The following LRFN5 variants were observed in gnomAD, a reference collection of about 807,000 sequenced individuals.
LRFN5 encodes the protein leucine-rich repeat and fibronectin type-III domain-containing protein 5.
A neutral mutation model predicts 45.6 loss-of-function variants in LRFN5; 24 were observed. The observed-to-expected ratio is 0.53, with a 90% confidence interval of 0.38 to 0.74. LRFN5 has a LOEUF of 0.74. LRFN5 is among the 30% of genes least tolerant of loss of function. The pLI is 0.00. For missense variants in LRFN5, 776 were observed against 861.5 expected (o/e 0.90, Z 1.24); for synonymous variants, 340 against 313.8 (o/e 1.08, Z -0.88).
At chr14:41,803,722 G>A (rs898482755) in intron 2 of LRFN5, among the ~76,000 whole-genome samples, 1 of 152,114 alleles carries the variant, frequency 6.6e-6, no homozygotes, top group Non-Finnish European at 1.5e-5. Flanking sequence ...CTAGAACATA[G>A]TGAGTTCTCA....
intron 1 of LRFN5, among the ~76,000 whole-genome samples, chr14:41,618,490 G>A (rs553947654): frequency 6.5e-4 from 99 of 152,282 alleles, no homozygotes; most frequent in African/African-American, 2.3e-3. Context: ...CTGGCTAACA[G>A]CCAGCTCCAA....
At chr14:41,682,662 A>G (rs1209057168) in intron 1 of LRFN5, among the ~76,000 whole-genome samples, 2 of 152,226 alleles carry the variant, frequency 1.3e-5, no homozygotes, top group Non-Finnish European at 2.9e-5. Context: ...GAGGATTATT[A>G]GAGCAACTAT....
chr14:41,744,613 C>G (rs1584317), intron 1 of LRFN5, among the ~76,000 whole-genome samples: 89,780 of 151,894 alleles, frequency 0.59, 27,279 homozygotes, highest in East Asian at 0.94. Flanking sequence ...CACACACACG[C>G]ACACCATAAT....
At chr14:41,753,406 T>C (rs1254970039) in intron 1 of LRFN5, among the ~76,000 whole-genome samples, 1 of 152,184 alleles carries the variant, frequency 6.6e-6, no homozygotes, top group African/African-American at 2.4e-5. Flanking sequence ...GAGCATGGAA[T>C]GTTCTTCCAT....
chr14:41,797,642 AT>A (rs1464382279), intron 2 of LRFN5, among the ~76,000 whole-genome samples: 2 of 151,588 alleles, frequency 1.3e-5, no homozygotes, highest in African/African-American at 2.4e-5. Flanking sequence ...CATTTAAATT[AT>A]ATTATATAAA....
At position 41,668,812 on chromosome 14, in the gene LRFN5, T is replaced by C. The variant is rs369129625; in HGVS notation, c.-197+60250T>C. The stretch of plus-strand genomic sequence containing the variant: ...TGTAATAATTGGATATCCTGAAGAA[T>C]AATGAAGCCAAGAACCCCATGAGCT... On this transcript the variant is annotated intron_variant, in intron 1 of 5. Transcript: ENST00000298119. Among the ~76,000 whole-genome samples, 27 of 152,288 alleles carry C rather than the reference T, an allele frequency of 1.8e-4. No individual in the cohort carries two copies. In the South Asian group the frequency reaches 4.1e-3, roughly 23 times the overall value.
At chr14:41,684,670 G>T (rs1882045496) in intron 1 of LRFN5, among the ~76,000 whole-genome samples, 1 of 151,998 alleles carries the variant, frequency 6.6e-6, no homozygotes, top group Admixed American at 6.6e-5. Flanking sequence ...AATAAAAATG[G>T]GTTAAAAACT....
At chr14:41,650,892 A>AGAGAGAGG (rs1250338580) in intron 1 of LRFN5, among the ~76,000 whole-genome samples, 25 of 92,938 alleles carry the variant, frequency 2.7e-4, no homozygotes, top group Admixed American at 2.6e-4. Flanking sequence ...AGAAAGAGAG[A>AGAGAGAGG]GAGAGAGGGA....
intron 1 of LRFN5, among the ~76,000 whole-genome samples, chr14:41,649,829 T>C (rs1880009000): frequency 1.3e-5 from 2 of 152,194 alleles, no homozygotes; most frequent in South Asian, 4.1e-4. Flanking sequence ...TTGACCCTGC[T>C]GTATTTGGAG....
chr14:41,680,747 G>A (rs943370374), intron 1 of LRFN5, among the ~76,000 whole-genome samples: 3 of 151,968 alleles, frequency 2.0e-5, no homozygotes, highest in Admixed American at 6.6e-5. Context: ...CCTGGAAAAC[G>A]TGACCTCACC....
rs1228938531 is a variant in LRFN5, at chr14:41,809,357, G to A, written c.-21+42328G>A. Among the ~76,000 whole-genome samples the A allele has an allele frequency of 5.9e-5, 9 of 151,910 alleles. 1 individual carries two copies. Among genetic ancestry groups the A allele is most frequent in the Non-Finnish European group, 1.2e-4 (8 of 67,924 alleles). On this transcript the variant is annotated intron_variant, in intron 2 of 5. Transcript: ENST00000298119. ...GATTATTTGTATTATATCTAAAATA[G>A]TAGTCAGGCACCTTACTAAACTCTT...
intron 5 of LRFN5, among the ~76,000 whole-genome samples, chr14:41,899,572 T>C (rs900542724): frequency 4.6e-5 from 7 of 152,084 alleles, no homozygotes; most frequent in African/African-American, 1.4e-4. Flanking sequence ...TCAGAGAGTG[T>C]GTTTCCAGAG....
intron 1 of LRFN5, among the ~76,000 whole-genome samples, chr14:41,764,613 AT>A (rs1363304121): frequency 6.6e-6 from 1 of 152,048 alleles, no homozygotes; most frequent in Non-Finnish European, 1.5e-5. Context: ...AGGCCTTTAT[AT>A]TTTGCTACCA....
rs1413792689 is a variant in LRFN5, at chr14:41,608,105, C to G, written c.-654C>G. 1.3e-5 allele frequency: 2 copies of G among 152,414 alleles called. No homozygotes were observed. The highest frequency in any genetic ancestry group is 3.4e-3 in the Middle Eastern group (1 of 294). The allele number at this position is 152,414 out of a possible 1,614,324, so 9.4% of individuals were successfully genotyped here. ...GATTAAAGGGCTATGCGAGAACGCT[C>G]TCTTTGCTGCCCGCGGTCCGGTGGG... On this transcript the variant is annotated 5_prime_UTR_variant, in exon 1 of 6. Transcript: ENST00000298119.
At chr14:41,864,565 AGT>A (rs1318863864) in intron 2 of LRFN5, among the ~76,000 whole-genome samples, 1 of 152,186 alleles carries the variant, frequency 6.6e-6, no homozygotes. Flanking sequence ...ACCCTACTCC[AGT>A]GTGACTTTAT....
intron 1 of LRFN5, among the ~76,000 whole-genome samples, chr14:41,750,268 TATATATATATA>T (rs1162915115): frequency 3.3e-4 from 1 of 3,066 alleles, no homozygotes; most frequent in Non-Finnish European, 5.6e-4. Flanking sequence ...TAACTTTTCT[TATATATATATA>T]TATATATATA....
chr14:41,629,586 C>A (rs367634508), intron 1 of LRFN5, among the ~76,000 whole-genome samples: 1 of 152,166 alleles, frequency 6.6e-6, no homozygotes, highest in East Asian at 1.9e-4. Context: ...TTGTAGTTCT[C>A]TAAACGCAGT....
intron 2 of LRFN5, among the ~76,000 whole-genome samples, chr14:41,785,716 G>A (rs1005747265): frequency 1.3e-5 from 2 of 150,508 alleles, no homozygotes; most frequent in South Asian, 2.1e-4. Flanking sequence ...TGGGAGGCCC[G>A]AGGCTGTTTT....
At chr14:41,865,905 G>T (rs4375578) in intron 2 of LRFN5, among the ~76,000 whole-genome samples, 112,667 of 151,980 alleles carry the variant, frequency 0.74, 42,305 homozygotes, top group East Asian at 0.97. Context: ...ATAATCTGTT[G>T]GTCTTCCTAT....
Sources: gnomAD v4.1 joint callset for allele counts (sites outside exome capture counted in the v4.1 genomes callset) on GRCh38, gnomAD v4.1.1 for gene constraint, MANE v1.5 for transcripts, NCBI Gene and HGNC (gene_info 2026-07-23, HGNC 2026-07-21) for gene names.